Variants in SANBR observed in about 807,000 individuals in gnomAD.
The protein encoded by SANBR is SANT and BTB domain regulator of CSR.
A neutral mutation model predicts 101.8 loss-of-function variants in SANBR; 77 were observed. That is an observed-to-expected ratio of 0.76 (90% CI 0.63 to 0.91). The LOEUF is 0.91. Among genes scored for constraint, SANBR ranks in the 40% least tolerant of loss-of-function variants. SANBR has a pLI of 0.00. For synonymous variants in SANBR, 279 were observed against 274.7 expected (o/e 1.02, Z -0.15); for missense variants, 875 against 853.0 (o/e 1.03, Z -0.32).
At chr2:61,132,067 T>C (rs1684704502) in intron 20 of SANBR, among the ~76,000 whole-genome samples, 1 of 152,144 alleles carries the variant, frequency 6.6e-6, no homozygotes, top group Non-Finnish European at 1.5e-5. Context: ...ACTGTAAAAC[T>C]CTTACAAGAA....
downstream of SANBR, among the ~76,000 whole-genome samples, chr2:61,125,517 CTA>C (rs568353376): frequency 1.2e-3 from 181 of 152,264 alleles, 1 homozygote; most frequent in African/African-American, 4.3e-3. Context: ...TGGTAGGGAA[CTA>C]TGTGGTAGGG....
At chr2:61,108,425 C>A in intron 15 of SANBR, 76 bp downstream of exon 15, 1 of 958,086 alleles carries the variant, frequency 1.0e-6, no homozygotes, top group Non-Finnish European at 1.6e-6. Context: ...AGAATCTTAT[C>A]AGTATCTTAT....
intron 16 of SANBR, among the ~76,000 whole-genome samples, chr2:61,113,885 A>T (rs1683950814): frequency 6.6e-6 from 1 of 152,078 alleles, no homozygotes; most frequent in Non-Finnish European, 1.5e-5. Flanking sequence ...GCTTCCCATA[A>T]ATGTCCTTTC....
intron 17 of SANBR, chr2:61,117,122 T>C: frequency 1.9e-6 from 1 of 520,226 alleles, no homozygotes; most frequent in Non-Finnish European, 3.4e-6. Context: ...ATTCAAATTC[T>C]AGGTCTGTAT....
chr2:61,097,702 C>T lies in SANBR; in HGVS notation c.1215C>T (p.Ala405=). Reference sequence around the variant, plus strand: ...GATTTTATCTATGTCTTTATCAGGCCTTTCTCTGTATTGAATTTTCACATT... The same window carrying T: ...GATTTTATCTATGTCTTTATCAGGCTTTTCTCTGTATTGAATTTTCACATT... The part of the protein sequence containing the change: ...NWLTCSRCYQ[A]FLCIEFSHCQ... The change falls in exon 12 of 22, where the codon GCC becomes GCT. Residue 405 remains alanine (A), a splice_region_variant and synonymous_variant. Transcript: ENST00000402291. 1.3e-6 allele frequency: 2 copies of T among 1,594,490 alleles called. No homozygotes were observed. The highest frequency in any genetic ancestry group is 1.7e-6 in the Non-Finnish European group (2 of 1,167,402).
intron 20 of SANBR, 96 bp from the exon 21 acceptor site, chr2:61,121,089 T>C: frequency 1.1e-6 from 1 of 894,262 alleles, no homozygotes; most frequent in Non-Finnish European, 1.7e-6. Flanking sequence ...AAAATCAAAA[T>C]AAAATTACTT....
At chr2:61,110,221 G>A (rs1313957939) in intron 16 of SANBR, among the ~76,000 whole-genome samples, 1 of 152,048 alleles carries the variant, frequency 6.6e-6, no homozygotes, top group Non-Finnish European at 1.5e-5. Context: ...TTTTATTGCA[G>A]AGTGGTATTC....
intron 6 of SANBR, among the ~76,000 whole-genome samples, chr2:61,080,145 C>G (rs1250268781): frequency 7.7e-6 from 1 of 129,378 alleles, no homozygotes; most frequent in South Asian, 2.4e-4. Flanking sequence ...TGCAGTGAGC[C>G]AAGATCATGC....
intron 13 of SANBR, 118 bp from the exon 14 acceptor site, chr2:61,106,445 T>A (rs1448620129): frequency 6.6e-6 from 4 of 606,788 alleles, no homozygotes; most frequent in Non-Finnish European, 8.7e-6. Context: ...GATATCCTTA[T>A]ACTCAGGAAC....
At chr2:61,114,507 T>C (rs1005115341) in intron 16 of SANBR, among the ~76,000 whole-genome samples, 1 of 152,216 alleles carries the variant, frequency 6.6e-6, no homozygotes, top group African/African-American at 2.4e-5. Flanking sequence ...CATAACTCTA[T>C]CCTGAGGCTT....
chr2:61,081,367 G>A (rs1210551420), intron 6 of SANBR, 85 bp from the exon 7 acceptor site: 4 of 1,261,186 alleles, frequency 3.2e-6, no homozygotes, highest in East Asian at 2.7e-5. Flanking sequence ...TTCCAGTAAT[G>A]TCCTCTTTTA....
chr2:61,104,730 A>C (rs934617976), intron 13 of SANBR, among the ~76,000 whole-genome samples: 1 of 152,022 alleles, frequency 6.6e-6, no homozygotes, highest in African/African-American at 2.4e-5. Flanking sequence ...ATCATTTTGC[A>C]ATGGCAGCAG....
intron 11 of SANBR, 58 bp from the exon 12 acceptor site, chr2:61,097,642 T>C: frequency 7.5e-7 from 1 of 1,334,864 alleles, no homozygotes; most frequent in South Asian, 1.4e-5. Flanking sequence ...TTAAGTATTT[T>C]TGAAACATAT....
At chr2:61,096,193 A>G (rs1348840859) in intron 11 of SANBR, among the ~76,000 whole-genome samples, 1 of 152,016 alleles carries the variant, frequency 6.6e-6, no homozygotes, top group South Asian at 2.1e-4. Flanking sequence ...CCTTCTCAAG[A>G]TCTCCTGCCT....
intron 5 of SANBR, among the ~76,000 whole-genome samples, chr2:61,073,769 T>G (rs1314895874): frequency 6.6e-6 from 1 of 151,884 alleles, no homozygotes; most frequent in Non-Finnish European, 1.5e-5. Flanking sequence ...TTTTTATTTT[T>G]ATATTTATAA....
intron 20 of SANBR, among the ~76,000 whole-genome samples, chr2:61,119,223 G>A (rs1371577927): frequency 1.3e-5 from 2 of 152,118 alleles, no homozygotes; most frequent in African/African-American, 2.4e-5. Context: ...TTGGTATTAT[G>A]TAAGTACCAT....
intron 4 of SANBR, among the ~76,000 whole-genome samples, chr2:61,072,217 A>G (rs1187362554): frequency 6.6e-6 from 1 of 152,108 alleles, no homozygotes; most frequent in Non-Finnish European, 1.5e-5. Flanking sequence ...GGGATTACAG[A>G]CGTGAGCTAC....
Position 61,108,325 on chromosome 2 carries a change from A to T in SANBR, c.1620A>T (p.Ser540=). ...PKTGELNAFL[S]LKNWTLQLKQ... is the part of the protein sequence containing the mutation. Reference sequence around the variant, plus strand: ...TTATTCCTGTCTTGTAGTTCTTGTCATTGAAAAACTGGACTCTACAACTGG... The same window carrying T: ...TTATTCCTGTCTTGTAGTTCTTGTCTTTGAAAAACTGGACTCTACAACTGG... The change falls in exon 15 of 22, where the codon TCA becomes TCT. Residue 540 remains serine, a synonymous_variant. Coordinates refer to ENST00000402291, the MANE Select transcript of SANBR (RefSeq NM_001129993.3). 1 of 1,573,806 alleles carries T rather than the reference A, an allele frequency of 6.4e-7. No homozygotes were observed. Among genetic ancestry groups the T allele is most frequent in the Non-Finnish European group, 8.7e-7 (1 of 1,155,360 alleles).
At chr2:61,075,370 A>G (rs1681711185) in intron 5 of SANBR, among the ~76,000 whole-genome samples, 1 of 152,062 alleles carries the variant, frequency 6.6e-6, no homozygotes, top group African/African-American at 2.4e-5. Flanking sequence ...TGATCCTCCC[A>G]CTTGAGCCTC....
Sources: allele counts gnomAD v4.1 joint callset (sites outside exome capture counted in the v4.1 genomes callset), GRCh38; gene constraint gnomAD v4.1.1; transcripts MANE v1.5; gene names NCBI Gene and HGNC (gene_info 2026-07-23, HGNC 2026-07-21).